The following TRPS1 variants were observed in gnomAD, a reference collection of about 807,000 sequenced individuals.
The protein encoded by TRPS1 is transcriptional repressor GATA binding 1.
A neutral mutation model predicts 101.2 loss-of-function variants in TRPS1; 6 were observed. That is an observed-to-expected ratio of 0.06 (90% CI 0.03 to 0.12). The LOEUF (loss-of-function observed/expected upper bound fraction) is 0.12. TRPS1 is among the 10% of genes least tolerant of loss of function. TRPS1 has a pLI of 1.00. For synonymous variants in TRPS1, 578 were observed against 589.8 expected, an observed-to-expected ratio of 0.98 and a Z score of 0.29; for missense variants, 1,363 against 1,567.0, an observed-to-expected ratio of 0.87 and a Z score of 2.20.
rs1816508536 is a variant in TRPS1 at position 115,543,750 on chromosome 8, C to T, written c.2700+43251G>A. Among the ~76,000 whole-genome samples, 3 of 152,166 alleles carry T rather than the reference C, an allele frequency of 2.0e-5. No homozygotes were observed. In the South Asian group the frequency reaches 6.2e-4, roughly 32 times the overall value. On this transcript the variant is annotated intron_variant, in intron 5 of 6. Transcript: ENST00000395715. ...TACTGTAAGTCAAGTAAGAATCTAA[C>T]TTAAATTAGCCTGGATTTTAAAATG...
intron 3 of TRPS1, among the ~76,000 whole-genome samples, chr8:115,618,630 A>G (rs1017177675): frequency 2.0e-5 from 3 of 152,176 alleles, no homozygotes; most frequent in Admixed American, 1.3e-4. Context: ...ATTTGCAATT[A>G]TTTTGCCTTT....
At chr8:115,505,122 T>C (rs1006750507) in intron 5 of TRPS1, among the ~76,000 whole-genome samples, 1 of 152,154 alleles carries the variant, frequency 6.6e-6, no homozygotes, top group Non-Finnish European at 1.5e-5. Flanking sequence ...TAGAATTCTC[T>C]GAATGTTGTC....
intron 5 of TRPS1, among the ~76,000 whole-genome samples, chr8:115,538,665 T>C (rs1025182465): frequency 3.3e-5 from 5 of 152,048 alleles, no homozygotes; most frequent in African/African-American, 7.2e-5. Context: ...ATATTTAGAA[T>C]AAAAAATTAC....
Position 115,604,416 on chromosome 8 carries a change from G to A in TRPS1, c.1553C>T (p.Ala518Val). Residue 518 changes from alanine to valine, a missense_variant, in exon 4 of 7, where the codon GCT becomes GTT. Physicochemically the swap from Ala to Val is moderately conservative, Grantham distance 64. Coordinates refer to ENST00000395715, the MANE Select transcript of TRPS1 (RefSeq NM_014112.5). This position sits in a 1 kb window ranked among gnomAD's most constrained non-coding sequence, Gnocchi z 4.1. ...MTKTDKSSSGAKKKDFSSKGA... is the reference protein window; with the variant it reads ...MTKTDKSSSGVKKKDFSSKGA... ...CTTGCTGGAGAAGTCCTTCTTTTTAGCCCCACTCGAGCTCTTGTCTGTCTT... is the reference window on the plus strand; with the variant it reads ...CTTGCTGGAGAAGTCCTTCTTTTTAACCCCACTCGAGCTCTTGTCTGTCTT... The A allele has an allele frequency of 6.2e-7, 1 of 1,613,966 alleles. No individual in the cohort carries two copies. Among genetic ancestry groups the A allele is most frequent in the Non-Finnish European group, 8.5e-7 (1 of 1,179,986 alleles).
intron 5 of TRPS1, among the ~76,000 whole-genome samples, chr8:115,502,951 G>C (rs1043729899): frequency 6.6e-6 from 1 of 152,080 alleles, no homozygotes; most frequent in African/African-American, 2.4e-5. Flanking sequence ...TTCTCTCTCT[G>C]TAGGTAAAAT....
intron 5 of TRPS1, among the ~76,000 whole-genome samples, chr8:115,522,133 G>C (rs948669018): frequency 2.0e-5 from 3 of 151,852 alleles, no homozygotes; most frequent in Non-Finnish European, 2.9e-5. Context: ...GAATTTCTAC[G>C]TAAGATAGGG....
In TRPS1 at chr8:115,566,043, T is replaced by C. The variant is rs572895058; in HGVS notation, c.2700+20958A>G. On this transcript the variant is annotated intron_variant, in intron 5 of 6. Transcript: ENST00000395715. Reference sequence around the variant, plus strand: ...ATACCATGGCATAGATTTTAGCAAATTCGTGGCCATATCCTATTTTAAAGA... The same window carrying C: ...ATACCATGGCATAGATTTTAGCAAACTCGTGGCCATATCCTATTTTAAAGA... Among the ~76,000 whole-genome samples the C allele has an allele frequency of 2.4e-4, 36 of 152,288 alleles. No homozygotes were observed. The South Asian group carries it at 3.5e-3, about 15-fold the overall frequency.
chr8:115,605,554 G>A (rs558010748), intron 3 of TRPS1, among the ~76,000 whole-genome samples: 3 of 152,156 alleles, frequency 2.0e-5, no homozygotes, highest in African/African-American at 7.2e-5. Flanking sequence ...ACCCAAAATG[G>A]CTTATAATTA....
chr8:115,494,864 C>T (rs567311368), intron 5 of TRPS1, among the ~76,000 whole-genome samples: 46 of 152,234 alleles, frequency 3.0e-4, no homozygotes, highest in Admixed American at 7.8e-4. Context: ...GGATGTTTTT[C>T]GCTTGAAAGA....
intron 5 of TRPS1, among the ~76,000 whole-genome samples, chr8:115,439,986 G>T (rs1813550674): frequency 6.6e-6 from 1 of 152,144 alleles, no homozygotes; most frequent in Non-Finnish European, 1.5e-5. Context: ...AGTTTTATTT[G>T]AATGTTTAAA....
intron 5 of TRPS1, among the ~76,000 whole-genome samples, chr8:115,550,613 C>T (rs1412840770): frequency 6.6e-6 from 1 of 152,176 alleles, no homozygotes; most frequent in African/African-American, 2.4e-5. Context: ...GTAGTGACCT[C>T]TCTGGTACTG....
chr8:115,634,610 C>G (rs1454677880), intron 1 of TRPS1, among the ~76,000 whole-genome samples: 1 of 152,024 alleles, frequency 6.6e-6, no homozygotes, highest in Admixed American at 6.6e-5. Context: ...CATCTTCATA[C>G]CTGCTAAAGA....
chr8:115,571,725 A>T (rs1264263450), intron 5 of TRPS1, among the ~76,000 whole-genome samples: 1 of 152,160 alleles, frequency 6.6e-6, no homozygotes, highest in Non-Finnish European at 1.5e-5. Flanking sequence ...AATCTAAGAG[A>T]AATGATTAGC....
chr8:115,454,162 C>T (rs1295547865), intron 5 of TRPS1, among the ~76,000 whole-genome samples: 2 of 152,150 alleles, frequency 1.3e-5, no homozygotes, highest in African/African-American at 2.4e-5. Flanking sequence ...TTTATGCTAG[C>T]CTGAGACATA....
At chr8:115,457,063 C>T (rs1814045580) in intron 5 of TRPS1, among the ~76,000 whole-genome samples, 1 of 151,986 alleles carries the variant, frequency 6.6e-6, no homozygotes, top group African/African-American at 2.4e-5. Context: ...ACAAAATGCT[C>T]CATTCAAATG....
intron 5 of TRPS1, among the ~76,000 whole-genome samples, chr8:115,567,840 G>A (rs6986967): frequency 0.69 from 104,975 of 151,864 alleles, 37,693 homozygotes; most frequent in African/African-American, 0.89. Context: ...CTTTCAGGGC[G>A]TCTGTGTAGT....
intron 5 of TRPS1, among the ~76,000 whole-genome samples, chr8:115,517,416 T>A (rs1024836750): frequency 8.6e-5 from 13 of 151,464 alleles, no homozygotes; most frequent in Admixed American, 6.6e-4. Flanking sequence ...TTATTCCTCA[T>A]GCAATTTTTA....
At chr8:115,583,270 T>TA (rs33977272) in intron 5 of TRPS1, among the ~76,000 whole-genome samples, 6 of 151,008 alleles carry the variant, frequency 4.0e-5, no homozygotes, top group South Asian at 2.1e-4. Flanking sequence ...ATGTACATCA[T>TA]AAAAAAAAAA....
intron 1 of TRPS1, among the ~76,000 whole-genome samples, chr8:115,647,455 A>G (rs1811437831): frequency 6.6e-6 from 1 of 152,174 alleles, no homozygotes; most frequent in Non-Finnish European, 1.5e-5. Context: ...CAGAATGCTA[A>G]AAATACAGTA....
Sources: allele counts gnomAD v4.1 joint callset (sites outside exome capture counted in the v4.1 genomes callset), GRCh38; gene constraint gnomAD v4.1.1; non-coding constraint Gnocchi (gnomAD v3.1); transcripts MANE v1.5; gene names NCBI Gene and HGNC (gene_info 2026-07-23, HGNC 2026-07-21).